Variants in TRAF3 observed in about 807,000 individuals in gnomAD.
The protein encoded by TRAF3 is TNF receptor associated factor 3.
TRAF3 carries 13 observed loss-of-function variants against 62.3 expected under a neutral mutation model. That is an observed-to-expected ratio of 0.21 (90% CI 0.14 to 0.33). TRAF3 has a LOEUF of 0.33. TRAF3 is among the 10% of genes least tolerant of loss of function. The pLI is 1.00. For synonymous variants in TRAF3, 269 were observed against 283.4 expected, an observed-to-expected ratio of 0.95 and a Z score of 0.51; for missense variants, 440 against 741.8, an observed-to-expected ratio of 0.59 and a Z score of 4.73.
At chr14:102,883,649 G>A (rs868470064) in intron 6 of TRAF3, among the ~76,000 whole-genome samples, 13 of 152,024 alleles carry the variant, frequency 8.6e-5, no homozygotes, top group East Asian at 1.9e-4. Context: ...GCAATGGCAC[G>A]ATCTTGGCTC....
At chr14:102,784,086 A>C (rs1897375451) in intron 1 of TRAF3, among the ~76,000 whole-genome samples, 3 of 152,138 alleles carry the variant, frequency 2.0e-5, no homozygotes, top group African/African-American at 7.2e-5. Flanking sequence ...GAGGCAGCTG[A>C]GGCTCTCAGT....
intron 1 of TRAF3, among the ~76,000 whole-genome samples, chr14:102,819,879 G>A (rs1023353072): frequency 1.2e-4 from 19 of 152,270 alleles, no homozygotes; most frequent in Admixed American, 8.5e-4. Context: ...CGCCAAGTGA[G>A]TTATGAACAT....
At chr14:102,879,341 C>T (rs868743744) in intron 6 of TRAF3, among the ~76,000 whole-genome samples, 3 of 152,158 alleles carry the variant, frequency 2.0e-5, no homozygotes, top group Non-Finnish European at 2.9e-5. Context: ...GACACAATCT[C>T]AGCTCACTGC....
intron 2 of TRAF3, among the ~76,000 whole-genome samples, chr14:102,865,524 G>A (rs958586260): frequency 4.1e-5 from 6 of 145,710 alleles, no homozygotes; most frequent in African/African-American, 1.0e-4. Context: ...TTTTGAGATG[G>A]AGTCTCATTC....
intron 2 of TRAF3, among the ~76,000 whole-genome samples, chr14:102,842,527 C>A (rs1449655010): frequency 6.6e-6 from 1 of 151,946 alleles, no homozygotes; most frequent in East Asian, 1.9e-4. Flanking sequence ...TATGTATAAC[C>A]TAGTTCCAGA....
intron 1 of TRAF3, among the ~76,000 whole-genome samples, chr14:102,803,939 T>C (rs1247281073): frequency 6.6e-6 from 1 of 152,200 alleles, no homozygotes; most frequent in Non-Finnish European, 1.5e-5. Flanking sequence ...GGCTGGCGCC[T>C]GTAATCCCAG....
chr14:102,839,288 C>T (rs896043447), intron 2 of TRAF3, among the ~76,000 whole-genome samples: 71 of 126,570 alleles, frequency 5.6e-4, no homozygotes, highest in Admixed American at 3.9e-4. Flanking sequence ...GCGCGATCTT[C>T]GCTCACTGCA....
In TRAF3 at chr14:102,903,695, A is replaced by C; in HGVS notation, c.1135+266A>C. The stretch of plus-strand genomic sequence containing the variant: ...GCAGCTGCAGCCACGGGAAGCTGCA[A>C]AGCCCTCCTGGGAGAGACTGGCCGC... On this transcript the variant is annotated intron_variant, in intron 11 of 11. Coordinates refer to ENST00000392745, the MANE Select transcript of TRAF3 (RefSeq NM_145725.3). This position sits in a 1 kb window ranked among gnomAD's most constrained non-coding sequence, Gnocchi z 6.4. 1 of 595,698 alleles carries C rather than the reference A, an allele frequency of 1.7e-6. No individual in the cohort carries two copies. The highest frequency in any genetic ancestry group is 3.1e-6 in the Non-Finnish European group (1 of 320,004). 36.9% of individuals were successfully genotyped at this position (595,698 alleles called of 1,614,324 possible).
chr14:102,795,228 A>G (rs1036126231), intron 1 of TRAF3, among the ~76,000 whole-genome samples: 3 of 152,324 alleles, frequency 2.0e-5, no homozygotes, highest in Admixed American at 1.3e-4. Flanking sequence ...GATTGTTGCA[A>G]CACTGAGCCG....
chr14:102,891,786 C>T (rs901385001), intron 9 of TRAF3, among the ~76,000 whole-genome samples: 1 of 151,910 alleles, frequency 6.6e-6, no homozygotes, highest in Admixed American at 6.6e-5. Context: ...TTCTTTTGCT[C>T]GAAAGCAGCA....
chr14:102,842,337 CAT>C (rs1338969705), intron 2 of TRAF3, among the ~76,000 whole-genome samples: 3 of 148,516 alleles, frequency 2.0e-5, no homozygotes, highest in Admixed American at 1.3e-4. Context: ...AATATATACA[CAT>C]GTATATGTAT....
chr14:102,893,811 T>C (rs1309362989), intron 9 of TRAF3, among the ~76,000 whole-genome samples: 2 of 152,224 alleles, frequency 1.3e-5, no homozygotes, highest in Non-Finnish European at 2.9e-5. Context: ...CTCGCCCTGT[T>C]GTCAGGCCAG....
intron 1 of TRAF3, among the ~76,000 whole-genome samples, chr14:102,827,032 G>A (rs1413976108): frequency 1.3e-5 from 2 of 152,190 alleles, no homozygotes; most frequent in African/African-American, 2.4e-5. Context: ...GGCCACAGGC[G>A]TGCAAGGTCC....
chr14:102,865,058 G>A (rs1020481974), intron 2 of TRAF3, among the ~76,000 whole-genome samples: 1 of 152,104 alleles, frequency 6.6e-6, no homozygotes, highest in African/African-American at 2.4e-5. Context: ...TGTCCTATTT[G>A]CTTCAGGAGG....
chr14:102,800,252 A>T (rs1254649705), intron 1 of TRAF3, among the ~76,000 whole-genome samples: 1 of 152,214 alleles, frequency 6.6e-6, no homozygotes, highest in Admixed American at 6.5e-5. Flanking sequence ...GAAGCAGCAC[A>T]TTCCCTCCAG....
At chr14:102,858,727 AT>A (rs1314097732) in intron 2 of TRAF3, among the ~76,000 whole-genome samples, 1 of 152,226 alleles carries the variant, frequency 6.6e-6, no homozygotes, top group Non-Finnish European at 1.5e-5. Flanking sequence ...GGAGTTTCCC[AT>A]TACTTTGGAA....
intron 2 of TRAF3, among the ~76,000 whole-genome samples, 180 bp downstream of exon 2, chr14:102,830,652 G>A (rs1414515465): frequency 6.6e-6 from 1 of 152,156 alleles, no homozygotes; most frequent in African/African-American, 2.4e-5. Context: ...ACCCATAGGA[G>A]GGGCAAAGGG....
chr14:102,853,844 A>T (rs1191790184), intron 2 of TRAF3, among the ~76,000 whole-genome samples: 1 of 151,798 alleles, frequency 6.6e-6, no homozygotes, highest in Non-Finnish European at 1.5e-5. Context: ...GTCTAAAAAA[A>T]AAAAAAAAAG....
chr14:102,900,179 G>GAA lies in TRAF3; in HGVS notation c.960+2778_960+2779insAA, dbSNP rs1566807952. Among the ~76,000 whole-genome samples, 39 of 83,742 alleles carry GAA rather than the reference G, an allele frequency of 4.7e-4. 4 individuals carry two copies. The highest frequency in any genetic ancestry group is 1.6e-3 in the African/African-American group (30 of 19,244). The allele number at this position is 83,742 out of a possible 152,430, so 54.9% of individuals were successfully genotyped here. A position where few individuals can be genotyped will look rare whatever the true frequency, so the allele number is the denominator to read the frequency against. ...GGGAGAAAGAGCAAGACTCCGTCTC[G>GAA]GAAAAAAAAAAAAAAAAAAAAAAAG... On this transcript the variant is annotated intron_variant, in intron 10 of 11. Coordinates refer to ENST00000392745, the MANE Select transcript of TRAF3 (RefSeq NM_145725.3).
Sources: allele counts gnomAD v4.1 joint callset (sites outside exome capture counted in the v4.1 genomes callset), GRCh38; gene constraint gnomAD v4.1.1; non-coding constraint Gnocchi (gnomAD v3.1); transcripts MANE v1.5; gene names NCBI Gene and HGNC (gene_info 2026-07-23, HGNC 2026-07-21).